EPRS1: variants seen among roughly 807,000 people sequenced by gnomAD.
The protein encoded by EPRS1 is glutamyl-prolyl-tRNA synthetase 1.
Under a neutral mutation model 188.3 loss-of-function variants are expected in EPRS1, and 107 were observed. That is an observed-to-expected ratio of 0.57 (90% CI 0.49 to 0.67). The LOEUF (loss-of-function observed/expected upper bound fraction) is 0.67. Ranked by LOEUF, EPRS1 falls within the 30% of genes least tolerant of loss-of-function variation. The pLI, the probability that EPRS1 is intolerant of heterozygous loss-of-function variation, is 0.00. For synonymous variants in EPRS1, 596 were observed against 593.1 expected, an observed-to-expected ratio of 1.00 and a Z score of -0.07; for missense variants, 1,577 against 1,802.2, an observed-to-expected ratio of 0.88 and a Z score of 2.26.
Position 220,007,432 on chromosome 1 carries a change from C to T in EPRS1, c.1606-94G>A, listed in dbSNP as rs1479038044. On this transcript the variant is annotated intron_variant, in intron 13 of 31. Coordinates refer to ENST00000366923, the MANE Select transcript of EPRS1 (RefSeq NM_004446.3). ...ACATTCATTCTATTCTTTAACCATA[C>T]AAAAGTCTTCTGTGTTACTAAACTG... The T allele has an allele frequency of 3.2e-6, 4 of 1,254,800 alleles. No individual in the cohort carries two copies. In the African/African-American group the frequency reaches 4.5e-5, roughly 14 times the overall value. 77.7% of individuals were successfully genotyped at this position (1,254,800 alleles called of 1,614,324 possible).
chr1:220,003,684 C>T (rs1661403438), intron 16 of EPRS1, among the ~76,000 whole-genome samples: 1 of 152,144 alleles, frequency 6.6e-6, no homozygotes, highest in Admixed American at 6.5e-5. Flanking sequence ...AAATGAGAAC[C>T]TACTCTGTTA....
intron 21 of EPRS1, 79 bp from the exon 22 acceptor site, chr1:219,983,477 A>C (rs972329997): frequency 1.0e-6 from 1 of 992,106 alleles, no homozygotes; most frequent in African/African-American, 1.7e-5. Flanking sequence ...TGATAACCAA[A>C]ATTCAAATCT....
chr1:220,022,575 C>A, intron 8 of EPRS1, 57 bp from the exon 9 acceptor site: 1 of 1,325,336 alleles, frequency 7.5e-7, no homozygotes. Context: ...AAATTATTCT[C>A]ATAGTGCTAT....
In EPRS1 at chr1:219,987,160, C is replaced by T; in HGVS notation, c.3020G>A (p.Gly1007Glu). 4 of 1,612,552 alleles carry T rather than the reference C, an allele frequency of 2.5e-6. No homozygotes were observed. Among genetic ancestry groups the T allele is most frequent in the Non-Finnish European group, 3.4e-6 (4 of 1,179,578 alleles). ...LSSSGAGEGQGPKKQTRLGLE... is the reference protein window; with the variant it reads ...LSSSGAGEGQEPKKQTRLGLE... The stretch of plus-strand genomic sequence containing the variant: ...TCATTACCTGGTCTGTTTCTTAGGC[C>T]CCTGCCCTTCTCCTGCTCCACTTGA... Residue 1007 changes from glycine (G) to glutamate (E), a missense_variant, in exon 20 of 32, where the codon GGG (glycine) becomes GAG (glutamate). Gly to Glu is a moderately conservative substitution (Grantham distance 98). Around this residue, in one of 3 missense-constraint regions of EPRS1, gnomAD observed 1,278 missense variants for 1,457.4 expected, o/e 0.88. Transcript: ENST00000366923.
intron 2 of EPRS1, 28 bp downstream of exon 2, chr1:220,040,157 C>A: frequency 6.9e-7 from 1 of 1,445,912 alleles, no homozygotes; most frequent in Admixed American, 1.9e-5. Flanking sequence ...CCAATCAGTA[C>A]TGAAAATAAA....
At chr1:220,032,681 T>TA (rs1662109485) in intron 4 of EPRS1, among the ~76,000 whole-genome samples, 155 bp from the exon 5 acceptor site, 1 of 152,214 alleles carries the variant, frequency 6.6e-6, no homozygotes, top group Admixed American at 6.5e-5. Context: ...AACTGTTTTC[T>TA]AAAACAGTTA....
At chr1:220,011,089 G>T in intron 12 of EPRS1, 33 bp from the exon 13 acceptor site, 1 of 1,227,990 alleles carries the variant, frequency 8.1e-7, no homozygotes, top group South Asian at 1.2e-5. Flanking sequence ...TTAAAACACT[G>T]CGATATCTTA....
Position 220,044,277 on chromosome 1 carries a change from A to G in EPRS1, c.46+2066T>C, listed in dbSNP as rs569537402. On this transcript the variant is annotated intron_variant, in intron 1 of 31. Coordinates refer to ENST00000366923, the MANE Select transcript of EPRS1 (RefSeq NM_004446.3). Reference sequence around the variant, plus strand: ...ACTGGGAATAATTAAATCAAAAATTAAAAAGGGAGAGGAGCAATTAGAAAA... The same window carrying G: ...ACTGGGAATAATTAAATCAAAAATTGAAAAGGGAGAGGAGCAATTAGAAAA... Among the ~76,000 whole-genome samples, 10 of 152,370 alleles carry G rather than the reference A, an allele frequency of 6.6e-5. 1 individual carries two copies. In the South Asian group the frequency reaches 1.9e-3, roughly 28 times the overall value.
At chr1:220,029,912 T>C (rs1662054298) in intron 6 of EPRS1, among the ~76,000 whole-genome samples, 1 of 152,038 alleles carries the variant, frequency 6.6e-6, no homozygotes, top group Non-Finnish European at 1.5e-5. Context: ...GATGAAGGGG[T>C]TGGGAAACCT....
At chr1:219,993,390 G>C (rs981655457) in intron 18 of EPRS1, among the ~76,000 whole-genome samples, 1 of 152,122 alleles carries the variant, frequency 6.6e-6, no homozygotes, top group Non-Finnish European at 1.5e-5. Context: ...AGAATAAGAG[G>C]AGCAAAAGAT....
intron 23 of EPRS1, 67 bp downstream of exon 23, chr1:219,982,705 A>T: frequency 8.0e-7 from 1 of 1,244,742 alleles, no homozygotes; most frequent in Non-Finnish European, 1.2e-6. Context: ...AAAAGCTGAG[A>T]CTCAACTTTA....
intron 6 of EPRS1, among the ~76,000 whole-genome samples, chr1:220,026,836 T>C (rs905179310): frequency 6.6e-6 from 1 of 152,026 alleles, no homozygotes; most frequent in Non-Finnish European, 1.5e-5. Flanking sequence ...ACAGGTTTGA[T>C]CTCAGTTGAT....
chr1:219,968,637 A>G lies in EPRS1; in HGVS notation c.*169T>C, dbSNP rs573432340. ...ATTTATTACTGGAGTTGTTTACAGAAAAGTCTTTTATCCACTGTTAACTTA... is the reference window on the plus strand; with the variant it reads ...ATTTATTACTGGAGTTGTTTACAGAGAAGTCTTTTATCCACTGTTAACTTA... On this transcript the variant is annotated 3_prime_UTR_variant, in exon 32 of 32. Transcript: ENST00000366923. The G allele has an allele frequency of 6.7e-6, 4 of 597,004 alleles. No individual in the cohort carries two copies. In the East Asian group the frequency reaches 1.1e-4, roughly 17 times the overall value. The allele number at this position is 597,004 out of a possible 1,614,324, so 37.0% of individuals were successfully genotyped here.
intron 13 of EPRS1, among the ~76,000 whole-genome samples, chr1:220,008,481 T>A (rs545306908): frequency 7.2e-5 from 11 of 152,090 alleles, no homozygotes; most frequent in South Asian, 4.1e-4. Context: ...AACTCACCAA[T>A]GCATTTCAGA....
At chr1:219,996,843 G>A in intron 18 of EPRS1, 140 bp downstream of exon 18, 2 of 928,828 alleles carry the variant, frequency 2.2e-6, no homozygotes, top group Non-Finnish European at 3.2e-6. Context: ...TTCAGAGCTT[G>A]GCACATAGCA....
At chr1:219,990,109 C>T (rs1314279545) in intron 18 of EPRS1, among the ~76,000 whole-genome samples, 2 of 145,488 alleles carry the variant, frequency 1.4e-5, no homozygotes, top group East Asian at 4.0e-4. Flanking sequence ...TCAGATGGCA[C>T]ACTTTTCACA....
chr1:220,038,239 T>C (rs1472793905), intron 2 of EPRS1, among the ~76,000 whole-genome samples: 1 of 151,812 alleles, frequency 6.6e-6, no homozygotes, highest in Non-Finnish European at 1.5e-5. Flanking sequence ...TGCACAACCA[T>C]GCCCGGCAAG....
Position 220,034,904 on chromosome 1 carries a change from C to T in EPRS1, c.231+10G>A. Reference sequence around the variant, plus strand: ...GACAAAACACACACAACAAAATGTTCATTGCTTACCTCAGTATGTTCCATC... The same window carrying T: ...GACAAAACACACACAACAAAATGTTTATTGCTTACCTCAGTATGTTCCATC... On this transcript the variant is annotated intron_variant, in intron 3 of 31. Transcript: ENST00000366923. 6.8e-7 allele frequency: 1 copy of T among 1,466,582 alleles called. No individual in the cohort carries two copies. The highest frequency in any genetic ancestry group is 9.6e-7 in the Non-Finnish European group (1 of 1,045,804). 90.8% of individuals were successfully genotyped at this position (1,466,582 alleles called of 1,614,324 possible).
At chr1:220,030,347 A>G (rs372528142) in intron 6 of EPRS1, 39 bp downstream of exon 6, 15 of 1,335,276 alleles carry the variant, frequency 1.1e-5, no homozygotes, top group Non-Finnish European at 1.5e-5. Context: ...CTTTCCCACT[A>G]AATATATTCA....
Sources: allele counts gnomAD v4.1 joint callset (sites outside exome capture counted in the v4.1 genomes callset), GRCh38; gene constraint gnomAD v4.1.1; regional missense constraint gnomAD v4.1.1; transcripts MANE v1.5; gene names NCBI Gene and HGNC (gene_info 2026-07-23, HGNC 2026-07-21).